Variants in FAM227B observed in about 807,000 individuals in gnomAD.
The protein encoded by FAM227B is family with sequence similarity 227 member B.
Under a neutral mutation model 73.8 loss-of-function variants are expected in FAM227B, and 88 were observed. The observed-to-expected ratio is 1.19, with a 90% confidence interval of 1.00 to 1.42. The LOEUF is 1.42. Ranked by LOEUF, FAM227B falls within the 40% of genes most tolerant of loss-of-function variation. FAM227B has a pLI of 0.00. For missense variants in FAM227B, 632 were observed against 590.9 expected (o/e 1.07, Z -0.72); for synonymous variants, 210 against 190.5 (o/e 1.10, Z -0.84).
chr15:49,328,918 TA>T, intron 15 of FAM227B: 1 of 1,216,182 alleles, frequency 8.2e-7, no homozygotes, highest in East Asian at 3.2e-5. Flanking sequence ...AAAACTTAGA[TA>T]AAAAACACTT....
intron 13 of FAM227B, among the ~76,000 whole-genome samples, chr15:49,339,529 G>A (rs928730759): frequency 2.0e-5 from 3 of 152,172 alleles, no homozygotes; most frequent in African/African-American, 7.2e-5. Context: ...CCAGATGCCA[G>A]CCAGAGCTCT....
intron 9 of FAM227B, among the ~76,000 whole-genome samples, chr15:49,549,190 G>T (rs1220915177): frequency 6.6e-6 from 1 of 151,924 alleles, no homozygotes; most frequent in Non-Finnish European, 1.5e-5. Flanking sequence ...ATGGATTTTG[G>T]CATGTTGTGT....
intron 13 of FAM227B, chr15:49,344,043 T>TTAG (rs1367637810): frequency 1.3e-5 from 2 of 152,210 alleles, no homozygotes; most frequent in Admixed American, 1.3e-4. Context: ...CATTAACACA[T>TTAG]TAGTCCTCAA....
intron 11 of FAM227B, among the ~76,000 whole-genome samples, chr15:49,433,752 T>C (rs925933960): frequency 6.6e-6 from 1 of 151,710 alleles, no homozygotes; most frequent in African/African-American, 2.4e-5. Context: ...AGACCAATTC[T>C]AGAGGAGCTG....
intron 13 of FAM227B, among the ~76,000 whole-genome samples, chr15:49,336,883 G>A (rs1474969282): frequency 2.0e-5 from 3 of 152,114 alleles, no homozygotes; most frequent in Admixed American, 6.5e-5. Flanking sequence ...ACAGTATGCA[G>A]TGTCTATTGT....
chr15:49,441,959 T>C (rs2051693589), intron 11 of FAM227B, among the ~76,000 whole-genome samples: 1 of 151,628 alleles, frequency 6.6e-6, no homozygotes, highest in African/African-American at 2.4e-5. Flanking sequence ...TATATGTCTG[T>C]CTGGCTAGAG....
intron 13 of FAM227B, among the ~76,000 whole-genome samples, chr15:49,337,580 G>T (rs1170247527): frequency 7.2e-6 from 1 of 139,546 alleles, no homozygotes; most frequent in African/African-American, 2.8e-5. Context: ...GAACATGCAG[G>T]TTTGTTACAT....
In FAM227B at chr15:49,327,996, G is replaced by A; in HGVS notation, c.*572C>T. The stretch of plus-strand genomic sequence containing the variant: ...TCACGACTTACTGGAGCAGGATGGG[G>A]AGGCTGCACAGTATCAATGGTACCT... On this transcript the variant is annotated 3_prime_UTR_variant, in exon 16 of 16. Transcript: ENST00000299338. 1.9e-6 allele frequency: 3 copies of A among 1,613,878 alleles called. No homozygotes were observed. The highest frequency in any genetic ancestry group is 2.5e-6 in the Non-Finnish European group (3 of 1,179,796).
intron 9 of FAM227B, among the ~76,000 whole-genome samples, chr15:49,562,561 T>C (rs960254534): frequency 6.6e-6 from 1 of 150,862 alleles, no homozygotes; most frequent in African/African-American, 2.4e-5. Context: ...AAAAAAACTG[T>C]AGGCCAAGAT....
intron 3 of FAM227B, among the ~76,000 whole-genome samples, chr15:49,592,563 G>A (rs761891773): frequency 7.2e-5 from 11 of 152,282 alleles, no homozygotes; most frequent in Middle Eastern, 3.4e-3. Context: ...TGGAAGCTTC[G>A]TCCCACAGTT....
chr15:49,497,239 G>A (rs1327041212), intron 11 of FAM227B, among the ~76,000 whole-genome samples: 1 of 152,054 alleles, frequency 6.6e-6, no homozygotes, highest in African/African-American at 2.4e-5. Flanking sequence ...GAAACATTAG[G>A]GACTATAGTA....
chr15:49,596,574 C>G (rs892611346), intron 3 of FAM227B, among the ~76,000 whole-genome samples: 3 of 151,594 alleles, frequency 2.0e-5, no homozygotes, highest in Admixed American at 2.0e-4. Flanking sequence ...GAAAAAAAAC[C>G]ATGGTATTCA....
At chr15:49,336,242 T>G (rs904422000) in intron 13 of FAM227B, among the ~76,000 whole-genome samples, 2 of 152,268 alleles carry the variant, frequency 1.3e-5, no homozygotes, top group Admixed American at 6.5e-5. Context: ...GTAATCAGAA[T>G]GTCCAAGTAT....
At chr15:49,510,269 G>T (rs760371378) in intron 10 of FAM227B, among the ~76,000 whole-genome samples, 7 of 151,950 alleles carry the variant, frequency 4.6e-5, no homozygotes, top group Non-Finnish European at 1.0e-4. Context: ...TTACATTATT[G>T]TAACTATGTA....
chr15:49,441,606 T>C (rs886374493), intron 11 of FAM227B, among the ~76,000 whole-genome samples: 2 of 151,568 alleles, frequency 1.3e-5, no homozygotes, highest in African/African-American at 4.8e-5. Context: ...TTTCATGACA[T>C]GGTATAATTT....
At chr15:49,550,217 C>T (rs1424003255) in intron 9 of FAM227B, among the ~76,000 whole-genome samples, 2 of 147,674 alleles carry the variant, frequency 1.4e-5, no homozygotes, top group Non-Finnish European at 3.0e-5. Flanking sequence ...GCTGACCCCC[C>T]CACCTCCCTC....
chr15:49,385,657 A>G (rs903167607), intron 11 of FAM227B, among the ~76,000 whole-genome samples: 5 of 151,740 alleles, frequency 3.3e-5, no homozygotes, highest in Non-Finnish European at 5.9e-5. Context: ...ACATCTCAAT[A>G]TTAATGTTGA....
rs190343255 is a variant in FAM227B at position 49,541,801 on chromosome 15, A to C, written c.753T>G (p.Tyr251Ter). 3.5e-6 allele frequency: 5 copies of C among 1,427,112 alleles called. No homozygotes were observed. The highest frequency in any genetic ancestry group is 4.6e-6 in the Non-Finnish European group (5 of 1,087,454). The allele number at this position is 1,427,112 out of a possible 1,614,324, so 88.4% of individuals were successfully genotyped here. ...ATATGGCTTGTGCCAAACAATCAGG[A>C]TATATCTACCAAAATAAAATCAAAT... is the stretch of plus-strand genomic sequence containing the variant. The part of the protein sequence containing the change: ...LSRKDAFFQI[Y>*]PDCLAQAIYA... The change falls in exon 10 of 16, where the codon TAT (tyrosine) becomes TAG (stop). Residue 251 changes from tyrosine to a stop codon, truncating the protein, a stop_gained. Transcript: ENST00000299338. LOFTEE classifies it high-confidence loss of function.
chr15:49,458,464 C>T (rs2053514967), intron 11 of FAM227B, among the ~76,000 whole-genome samples: 2 of 151,974 alleles, frequency 1.3e-5, no homozygotes, highest in Non-Finnish European at 2.9e-5. Flanking sequence ...TATTTTTCAT[C>T]CAAGATTTTC....
Sources: allele counts gnomAD v4.1 joint callset (sites outside exome capture counted in the v4.1 genomes callset), GRCh38; gene constraint gnomAD v4.1.1; transcripts MANE v1.5; gene names NCBI Gene and HGNC (gene_info 2026-07-23, HGNC 2026-07-21).